Variants in STK32C observed in about 807,000 individuals in gnomAD.
The protein encoded by STK32C is serine/threonine-protein kinase 32C.
Under a neutral mutation model 56.5 loss-of-function variants are expected in STK32C, and 31 were observed. The observed-to-expected ratio is 0.55, with a 90% CI of 0.41 to 0.74. The LOEUF (loss-of-function observed/expected upper bound fraction) is 0.74, where lower values mean the gene tolerates loss of function less well. STK32C is among the 30% of genes least tolerant of loss of function. The probability of loss-of-function intolerance (pLI) is 0.00; values close to 1 mark genes in which losing one functional copy is unlikely to be tolerated. For synonymous variants in STK32C, 309 were observed against 289.4 expected (o/e 1.07, Z -0.69); for missense variants, 544 against 676.9 (o/e 0.80, Z 2.18).
chr10:132,223,898 G>GGCACTACTGATGGCC (rs2062776120), intron 8 of STK32C, among the ~76,000 whole-genome samples: 1 of 152,230 alleles, frequency 6.6e-6, no homozygotes, highest in Non-Finnish European at 1.5e-5. Flanking sequence ...ACAAATGGGA[G>GGCACTACTGATGGCC]GCACTACTGA....
chr10:132,274,535 G>A (rs528206607), intron 1 of STK32C, among the ~76,000 whole-genome samples: 2 of 152,302 alleles, frequency 1.3e-5, no homozygotes, highest in African/African-American at 4.8e-5. Flanking sequence ...CCAGGCTGTG[G>A]AGGCTGCACC....
At chr10:132,294,845 G>A (rs565556326) in intron 1 of STK32C, among the ~76,000 whole-genome samples, 5 of 152,280 alleles carry the variant, frequency 3.3e-5, no homozygotes, top group Non-Finnish European at 7.4e-5. Flanking sequence ...TCCTGACCAC[G>A]GAGACAGGCC....
At chr10:132,273,606 AGGAGTTACTGAATGAGT>A (rs893054934) in intron 1 of STK32C, among the ~76,000 whole-genome samples, 8 of 152,328 alleles carry the variant, frequency 5.3e-5, no homozygotes, top group South Asian at 2.1e-4. Context: ...GAATGAGTGA[AGGAGTTACTGAATGAGT>A]GGAGTTACTG....
chr10:132,265,117 TGGGGGTGCCGC>T (rs1456376351), intron 1 of STK32C, among the ~76,000 whole-genome samples: 2 of 102,106 alleles, frequency 2.0e-5, no homozygotes, highest in African/African-American at 5.8e-5. Context: ...AGGTGGGCTC[TGGGGGTGCCGC>T]AAGGGCAGTG....
chr10:132,254,356 C>T (rs2064028763), intron 1 of STK32C, among the ~76,000 whole-genome samples: 1 of 152,310 alleles, frequency 6.6e-6, no homozygotes, highest in Middle Eastern at 3.4e-3. Context: ...TAAGCCAGGG[C>T]TTGTATCAAA....
In STK32C at chr10:132,272,573, C is replaced by T. The variant is rs902160543; in HGVS notation, c.263-26618G>A. ...CTGTCTCACACCCCAGCCCGTCTGTCGGGAAATCCTGCAGGCTCTTCCTTC... is the reference window on the plus strand; with the variant it reads ...CTGTCTCACACCCCAGCCCGTCTGTTGGGAAATCCTGCAGGCTCTTCCTTC... On this transcript the variant is annotated intron_variant, in intron 1 of 11. Transcript: ENST00000298630. Among the ~76,000 whole-genome samples the T allele has an allele frequency of 3.9e-5, 6 of 152,202 alleles. No homozygotes were observed. In the South Asian group the frequency reaches 1.2e-3, roughly 32 times the overall value.
At chr10:132,289,934 G>T (rs2065515643) in intron 1 of STK32C, among the ~76,000 whole-genome samples, 1 of 152,202 alleles carries the variant, frequency 6.6e-6, no homozygotes, top group Non-Finnish European at 1.5e-5. Flanking sequence ...CAGTCATCAG[G>T]AAAATGCAAA....
upstream of STK32C, among the ~76,000 whole-genome samples, chr10:132,311,494 T>TG (rs1200382115): frequency 6.6e-6 from 1 of 152,210 alleles, no homozygotes; most frequent in Admixed American, 6.5e-5. This position sits in a 1 kb window ranked among gnomAD's most constrained non-coding sequence, Gnocchi z 4.4. Context: ...AGCCCACGTG[T>TG]GGGGACACTT....
At chr10:132,233,385 A>G (rs545759219) in intron 2 of STK32C, among the ~76,000 whole-genome samples, 2 of 152,176 alleles carry the variant, frequency 1.3e-5, no homozygotes, top group Non-Finnish European at 2.9e-5. Context: ...TGTGTCCCAT[A>G]GGCCACTTGT....
chr10:132,286,745 G>A (rs1330277114), intron 1 of STK32C, among the ~76,000 whole-genome samples: 1 of 152,134 alleles, frequency 6.6e-6, no homozygotes. Context: ...AGAGGAGAAG[G>A]AGATTTCCTC....
intron 1 of STK32C, among the ~76,000 whole-genome samples, chr10:132,293,948 C>T (rs1001715729): frequency 4.0e-5 from 6 of 151,856 alleles, no homozygotes; most frequent in African/African-American, 1.5e-4. Flanking sequence ...GGAAGGGGCC[C>T]CCGAGGGAGC....
At chr10:132,310,610 G>T (rs2066201346), upstream of STK32C, among the ~76,000 whole-genome samples, 1 of 152,218 alleles carries the variant, frequency 6.6e-6, no homozygotes, top group African/African-American at 2.4e-5. The surrounding 1 kb of genome is among the most constrained non-coding windows in gnomAD (Gnocchi z 4.6). Context: ...GGCCAGTAGA[G>T]AATTCCTGAG....
At chr10:132,211,319 G>A (rs1428811187) in intron 10 of STK32C, among the ~76,000 whole-genome samples, 1 of 152,230 alleles carries the variant, frequency 6.6e-6, no homozygotes, top group East Asian at 1.9e-4. Context: ...AGCGACACAA[G>A]GTGGGAGGGG....
intron 1 of STK32C, among the ~76,000 whole-genome samples, chr10:132,268,970 TG>T (rs2064717410): frequency 6.7e-6 from 1 of 150,044 alleles, no homozygotes; most frequent in Non-Finnish European, 1.5e-5. Flanking sequence ...TGTGTGTGTG[TG>T]TCGGTGTGTG....
intron 7 of STK32C, 38 bp downstream of exon 7, chr10:132,225,195 C>T: frequency 6.5e-7 from 1 of 1,532,182 alleles, no homozygotes; most frequent in Non-Finnish European, 8.8e-7. Context: ...AGAGCAGGGG[C>T]CTGGCAGCCA....
intron 10 of STK32C, among the ~76,000 whole-genome samples, chr10:132,218,484 C>T (rs541179661): frequency 2.4e-4 from 37 of 152,118 alleles, no homozygotes; most frequent in Admixed American, 1.2e-3. Context: ...AAATGCAAAC[C>T]ATAACCACAC....
intron 1 of STK32C, among the ~76,000 whole-genome samples, chr10:132,284,562 G>T (rs372790537): frequency 6.6e-6 from 1 of 152,122 alleles, no homozygotes; most frequent in African/African-American, 2.4e-5. Context: ...CGACTGCATG[G>T]GCCTTTCCCC....
intron 1 of STK32C, among the ~76,000 whole-genome samples, chr10:132,306,392 T>C (rs2066061547): frequency 6.6e-6 from 1 of 152,260 alleles, no homozygotes; most frequent in Non-Finnish European, 1.5e-5. Flanking sequence ...TGAGTTCTGC[T>C]GTCCCGAAGT....
At chr10:132,234,023 TC>T (rs1310368340) in intron 2 of STK32C, among the ~76,000 whole-genome samples, 1 of 152,194 alleles carries the variant, frequency 6.6e-6, no homozygotes, top group Non-Finnish European at 1.5e-5. Flanking sequence ...AAGCGATCGT[TC>T]CGATGAGGTC....
Sources: allele counts gnomAD v4.1 joint callset (sites outside exome capture counted in the v4.1 genomes callset), GRCh38; gene constraint gnomAD v4.1.1; non-coding constraint Gnocchi (gnomAD v3.1); transcripts MANE v1.5; gene names NCBI Gene and HGNC (gene_info 2026-07-23, HGNC 2026-07-21).